The following SAP130 variants were observed in gnomAD, a reference collection of about 807,000 sequenced individuals.
SAP130 encodes histone deacetylase complex subunit SAP130.
A neutral mutation model predicts 103.2 loss-of-function variants in SAP130; 16 were observed. The observed-to-expected ratio is 0.16, with a 90% confidence interval of 0.10 to 0.24. The LOEUF (loss-of-function observed/expected upper bound fraction) is 0.24, where lower values mean the gene tolerates loss of function less well. Among genes scored for constraint, SAP130 ranks in the 10% least tolerant of loss-of-function variants. The pLI, the probability that SAP130 is intolerant of heterozygous loss-of-function variation, is 1.00. For synonymous variants in SAP130, 477 were observed against 497.0 expected (o/e 0.96, Z 0.53); for missense variants, 990 against 1,359.7 (o/e 0.73, Z 4.28).
rs1296482644 is a variant in SAP130 at position 128,009,269 on chromosome 2, C to T, written c.869+1000G>A. On this transcript the variant is annotated intron_variant, in intron 7 of 20. Transcript: ENST00000643581. ...AGGATCACTTGAGCCCAGGAGTTCA[C>T]GACCAACCTGGGCAACAAAGTGAGA... Among the ~76,000 whole-genome samples the T allele has an allele frequency of 4.6e-5, 7 of 151,962 alleles. 1 individual carries two copies. The highest frequency in any genetic ancestry group is 1.9e-4 in the East Asian group (1 of 5,162).
chr2:127,993,131 A>T (rs1426197416), intron 12 of SAP130, 56 bp downstream of exon 12: 15 of 1,598,180 alleles, frequency 9.4e-6, no homozygotes, highest in South Asian at 1.1e-5. Flanking sequence ...CAATTTCTAC[A>T]TTATTGTTGG....
chr2:128,027,053 T>C, intron 1 of SAP130: 2 of 1,395,488 alleles, frequency 1.4e-6, no homozygotes, highest in South Asian at 3.6e-5. Context: ...ACGGGCGATC[T>C]GGGGACCCGA....
At chr2:127,944,439 T>TG (rs1052719777) in intron 19 of SAP130, among the ~76,000 whole-genome samples, 11 of 151,260 alleles carry the variant, frequency 7.3e-5, no homozygotes, top group African/African-American at 2.7e-4. Context: ...TACAATTTTT[T>TG]TTTTCCCCGA....
rs1189266177 is a variant in SAP130 at position 127,949,861 on chromosome 2, A to G, written c.2797+8T>C. The G allele has an allele frequency of 4.3e-6, 7 of 1,613,768 alleles. No homozygotes were observed. The highest frequency in any genetic ancestry group is 5.9e-6 in the Non-Finnish European group (7 of 1,179,876). ...GCATTAATATCAAGTGTTTCTGGGG[A>G]AACTAACCTTTGACCCGGACGTCAC... is the stretch of plus-strand genomic sequence containing the variant. On this transcript the variant is annotated splice_region_variant and intron_variant, in intron 18 of 20. Transcript: ENST00000643581.
intron 7 of SAP130, among the ~76,000 whole-genome samples, chr2:128,005,796 G>A (rs1482210533): frequency 6.6e-6 from 1 of 151,804 alleles, no homozygotes; most frequent in Non-Finnish European, 1.5e-5. Flanking sequence ...ACAGGCATCC[G>A]GCCCCATGCC....
chr2:128,012,996 T>A (rs1222036244), intron 6 of SAP130, 34 bp downstream of exon 6: 1 of 1,580,832 alleles, frequency 6.3e-7, no homozygotes, highest in Non-Finnish European at 8.6e-7. Context: ...ATAACTCCAA[T>A]GAGGCCCTTA....
intron 15 of SAP130, among the ~76,000 whole-genome samples, chr2:127,967,524 G>A (rs375319518): frequency 1.3e-5 from 2 of 152,270 alleles, no homozygotes; most frequent in Non-Finnish European, 1.5e-5. Flanking sequence ...TTAGCCTCCC[G>A]AGTAGCTGGG....
Position 127,986,916 on chromosome 2 carries a change from G to A in SAP130, c.1827C>T (p.Ser609=). 1 of 1,614,188 alleles carries A rather than the reference G, an allele frequency of 6.2e-7. No homozygotes were observed. The highest frequency in any genetic ancestry group is 1.1e-5 in the South Asian group (1 of 91,078). The change falls in exon 14 of 21, where the codon AGC becomes AGT. Residue 609 remains serine (S), a synonymous_variant. Coordinates refer to ENST00000643581, the MANE Select transcript of SAP130 (RefSeq NM_001330301.2). The surrounding 1 kb of genome is among the most constrained non-coding windows in gnomAD (Gnocchi z 4.7). Reference sequence around the variant, plus strand: ...CTGCTGGAGCAGCACTGAATGGATTGCTAATAGGGTTGGCCACAATTGTGG... The same window carrying A: ...CTGCTGGAGCAGCACTGAATGGATTACTAATAGGGTTGGCCACAATTGTGG... The part of the protein sequence containing the change: ...DGATIVANPI[S]NPFSAAPAAT...
chr2:127,989,523 C>T lies in SAP130; in HGVS notation c.1780+41G>A. 6.5e-7 allele frequency: 1 copy of T among 1,549,644 alleles called. No individual in the cohort carries two copies. The highest frequency in any genetic ancestry group is 1.2e-5 in the South Asian group (1 of 82,720). On this transcript the variant is annotated intron_variant, in intron 13 of 20. Transcript: ENST00000643581. This position sits in a 1 kb window ranked among gnomAD's most constrained non-coding sequence, Gnocchi z 4.6. Reference sequence around the variant, plus strand: ...AAAGGATTTAAACCCAAATGTATTTCTTTTCTCCAAACCACCTTCTATGCA... The same window carrying T: ...AAAGGATTTAAACCCAAATGTATTTTTTTTCTCCAAACCACCTTCTATGCA...
At position 127,989,755 on chromosome 2, in the gene SAP130, C is replaced by G; in HGVS notation, c.1589G>C (p.Arg530Pro). ...TGCTGGCTGGATCCCTTGAATATGT[C>G]GAGCATGCGATGCATCCACTGTCAT... is the stretch of plus-strand genomic sequence containing the variant. ...QLMTVDASHA[R>P]HIQGIQPAPI... The change falls in exon 13 of 21, where the codon CGA (arginine) becomes CCA (proline). Residue 530 changes from arginine to proline, a missense_variant. Physicochemically the swap from Arg to Pro is moderately radical, Grantham distance 103 (BLOSUM62 -2). Around this residue, in one of 6 missense-constraint regions of SAP130, gnomAD observed 336 missense variants for 520.1 expected, o/e 0.65. Coordinates refer to ENST00000643581, the MANE Select transcript of SAP130 (RefSeq NM_001330301.2). The surrounding 1 kb of genome is among the most constrained non-coding windows in gnomAD (Gnocchi z 4.6). 1 of 1,614,164 alleles carries G rather than the reference C, an allele frequency of 6.2e-7. No individual in the cohort carries two copies. Among genetic ancestry groups the G allele is most frequent in the Non-Finnish European group, 8.5e-7 (1 of 1,180,036 alleles).
At chr2:128,016,957 G>A (rs1573844528) in intron 3 of SAP130, among the ~76,000 whole-genome samples, 1 of 152,208 alleles carries the variant, frequency 6.6e-6, no homozygotes, top group Non-Finnish European at 1.5e-5. Context: ...AAATTAACCA[G>A]TTATTAAAAC....
At chr2:127,998,986 A>G (rs897181624) in intron 10 of SAP130, among the ~76,000 whole-genome samples, 4 of 152,258 alleles carry the variant, frequency 2.6e-5, no homozygotes, top group African/African-American at 7.2e-5. Flanking sequence ...CAGGTGTGTT[A>G]TGCTAAACAG....
chr2:127,941,859 G>T lies in SAP130; in HGVS notation c.*147C>A. Reference sequence around the variant, plus strand: ...CAGCTCTGATCCTTTCACGCCCTTGGATGTCATGGGTTCCTCTGCTTTCAC... The same window carrying T: ...CAGCTCTGATCCTTTCACGCCCTTGTATGTCATGGGTTCCTCTGCTTTCAC... On this transcript the variant is annotated 3_prime_UTR_variant, in exon 21 of 21. Transcript: ENST00000643581. 2 of 735,418 alleles carry T rather than the reference G, an allele frequency of 2.7e-6. No homozygotes were observed. Among genetic ancestry groups the T allele is most frequent in the Non-Finnish European group, 4.5e-6 (2 of 444,426 alleles). 45.6% of individuals were successfully genotyped at this position (735,418 alleles called of 1,614,324 possible). A position where few individuals can be genotyped will look rare whatever the true frequency, so the allele number is the denominator to read the frequency against.
chr2:128,022,133 C>G (rs1685202215), intron 2 of SAP130, among the ~76,000 whole-genome samples: 1 of 152,228 alleles, frequency 6.6e-6, no homozygotes, highest in African/African-American at 2.4e-5. Flanking sequence ...CCTCTATTCT[C>G]CAGAAACCAC....
rs1277370746 is a variant in SAP130, at chr2:127,989,886, TA to T, written c.1478-21del. 18 of 1,606,262 alleles carry T rather than the reference TA, an allele frequency of 1.1e-5. No individual in the cohort carries two copies. Among genetic ancestry groups the T allele is most frequent in the Non-Finnish European group, 1.4e-5 (17 of 1,175,032 alleles). On this transcript the variant is annotated intron_variant, in intron 12 of 20. Transcript: ENST00000643581. The surrounding 1 kb of genome is among the most constrained non-coding windows in gnomAD (Gnocchi z 4.6). ...CTGAAACTAAAAATGATGCGAAAGGTAACTATAAGAAGGTTAGCTTCATTTC... is the reference window on the plus strand; with the variant it reads ...CTGAAACTAAAAATGATGCGAAAGGTACTATAAGAAGGTTAGCTTCATTTC...
chr2:127,993,696 T>C (rs1479187087), intron 11 of SAP130, among the ~76,000 whole-genome samples: 1 of 152,150 alleles, frequency 6.6e-6, no homozygotes, highest in Non-Finnish European at 1.5e-5. Flanking sequence ...ATAATCCCAA[T>C]TTCATTCAAA....
At position 127,989,436 on chromosome 2, in the gene SAP130, A is replaced by T. The variant is rs1682631860; in HGVS notation, c.1780+128T>A. 1.2e-6 allele frequency: 1 copy of T among 819,386 alleles called. No individual in the cohort carries two copies. The highest frequency in any genetic ancestry group is 2.7e-5 in the East Asian group (1 of 37,448). 50.8% of individuals were successfully genotyped at this position (819,386 alleles called of 1,614,324 possible). ...AAACTCTAAGTTCTAAGCAACTCAT[A>T]TTATTAATACAAAGAAGAAAAGGCC... On this transcript the variant is annotated intron_variant, in intron 13 of 20. Coordinates refer to ENST00000643581, the MANE Select transcript of SAP130 (RefSeq NM_001330301.2). This position sits in a 1 kb window ranked among gnomAD's most constrained non-coding sequence, Gnocchi z 4.6.
In SAP130 at chr2:127,978,103, G is replaced by C; in HGVS notation, c.1959-14C>G. 1.3e-6 allele frequency: 2 copies of C among 1,545,480 alleles called. No individual in the cohort carries two copies. The highest frequency in any genetic ancestry group is 1.8e-6 in the Non-Finnish European group (2 of 1,141,436). On this transcript the variant is annotated splice_polypyrimidine_tract_variant and intron_variant, in intron 14 of 20. Coordinates refer to ENST00000643581, the MANE Select transcript of SAP130 (RefSeq NM_001330301.2). The stretch of plus-strand genomic sequence containing the variant: ...CGAACTGCCATTCTGAAAGAGACAA[G>C]AGACAAACCCGGAGAACAGCAGTCC...
intron 15 of SAP130, among the ~76,000 whole-genome samples, chr2:127,967,957 A>G (rs1048936452): frequency 3.3e-5 from 5 of 152,198 alleles, no homozygotes; most frequent in African/African-American, 9.7e-5. Flanking sequence ...TCCAAGTACA[A>G]TGGAAAGGAC....
Sources: allele counts gnomAD v4.1 joint callset (sites outside exome capture counted in the v4.1 genomes callset), GRCh38; gene constraint gnomAD v4.1.1; regional missense constraint gnomAD v4.1.1; non-coding constraint Gnocchi (gnomAD v3.1); transcripts MANE v1.5; gene names NCBI Gene and HGNC (gene_info 2026-07-23, HGNC 2026-07-21).